Variants in MAP3K9 observed in about 807,000 individuals in gnomAD.
MAP3K9 encodes the protein mixed lineage kinase 1 (tyr and ser/thr specificity).
A neutral mutation model predicts 95.8 loss-of-function variants in MAP3K9; 46 were observed. The ratio of observed to expected loss-of-function variants is 0.48; its 90% CI spans 0.38 to 0.61. The LOEUF is 0.61. Among genes scored for constraint, MAP3K9 ranks in the 20% least tolerant of loss-of-function variants. The probability of loss-of-function intolerance (pLI) is 0.00; values close to 1 mark genes in which losing one functional copy is unlikely to be tolerated. For synonymous variants in MAP3K9, 533 were observed against 593.8 expected (o/e 0.90, Z 1.49); for missense variants, 1,296 against 1,474.3 (o/e 0.88, Z 1.98).
chr14:70,770,366 T>C (rs1198711483), intron 2 of MAP3K9, among the ~76,000 whole-genome samples: 1 of 151,916 alleles, frequency 6.6e-6, no homozygotes, highest in Non-Finnish European at 1.5e-5. Context: ...TTATTTTTAG[T>C]AGAGACGGGG....
intron 2 of MAP3K9, among the ~76,000 whole-genome samples, chr14:70,795,740 CTTAT>C (rs1323985765): frequency 6.6e-6 from 1 of 151,526 alleles, no homozygotes; most frequent in Non-Finnish European, 1.5e-5. Flanking sequence ...GATATCTTTA[CTTAT>C]TTAACTTTTT....
intron 2 of MAP3K9, among the ~76,000 whole-genome samples, chr14:70,764,839 AAACAAACAAAC>A (rs2054427373): frequency 1.3e-5 from 2 of 152,222 alleles, no homozygotes; most frequent in Admixed American, 1.3e-4. Flanking sequence ...TCTCTCTCAA[AAACAAACAAAC>A]AACAAAAAAA....
rs1203277018 is a variant in MAP3K9 at position 70,727,902 on chromosome 14, A to G, written c.*2478T>C. On this transcript the variant is annotated 3_prime_UTR_variant, in exon 12 of 12. Transcript: ENST00000554752. ...AGTTACACTACATCAGTTACACTAC[A>G]TCTAGAAAGATGGCTGCAACCTACC... is the stretch of plus-strand genomic sequence containing the variant. 1.3e-5 allele frequency: 2 copies of G among 152,236 alleles called. No homozygotes were observed. Among genetic ancestry groups the G allele is most frequent in the African/African-American group, 2.4e-5 (1 of 41,450 alleles). The allele number at this position is 152,236 out of a possible 1,614,324, so 9.4% of individuals were successfully genotyped here. A position where few individuals can be genotyped will look rare whatever the true frequency, so the allele number is the denominator to read the frequency against.
At chr14:70,774,894 G>C (rs2054575469) in intron 2 of MAP3K9, among the ~76,000 whole-genome samples, 1 of 136,646 alleles carries the variant, frequency 7.3e-6, no homozygotes, top group Non-Finnish European at 1.5e-5. Context: ...CTGGGGAAGA[G>C]AATCACTTGA....
intron 5 of MAP3K9, among the ~76,000 whole-genome samples, chr14:70,742,843 A>G (rs2054092714): frequency 6.6e-6 from 1 of 151,776 alleles, no homozygotes; most frequent in African/African-American, 2.4e-5. Context: ...CAAGCCCTAG[A>G]AATGGGGGCT....
intron 2 of MAP3K9, among the ~76,000 whole-genome samples, chr14:70,797,877 C>T (rs2054882432): frequency 6.6e-6 from 1 of 152,120 alleles, no homozygotes; most frequent in South Asian, 2.1e-4. Context: ...AAAGTGCTAC[C>T]CCACCACACA....
At position 70,808,964 on chromosome 14, in the gene MAP3K9, C is replaced by T. The variant is rs1450980919; in HGVS notation, c.208G>A (p.Glu70Lys). 5 of 1,572,754 alleles carry T rather than the reference C, an allele frequency of 3.2e-6. No homozygotes were observed. In the African/African-American group the frequency reaches 5.4e-5, roughly 17 times the overall value. ...VFEYEAAGEDELTLRLGDVVE... is the reference protein window; with the variant it reads ...VFEYEAAGEDKLTLRLGDVVE... Reference sequence around the variant, plus strand: ...ACGTCGCCCAGCCGCAGGGTCAGCTCGTCCTCGCCCGCCGCCTCGTACTCG... The same window carrying T: ...ACGTCGCCCAGCCGCAGGGTCAGCTTGTCCTCGCCCGCCGCCTCGTACTCG... The change falls in exon 1 of 12, where the codon GAG becomes AAG. Residue 70 changes from glutamate (E) to lysine (K), a missense_variant. Transcript: ENST00000554752.
At chr14:70,806,438 T>G (rs1344877438) in intron 1 of MAP3K9, among the ~76,000 whole-genome samples, 4 of 152,234 alleles carry the variant, frequency 2.6e-5, no homozygotes, top group African/African-American at 9.6e-5. Context: ...AAATTAATTC[T>G]AGTCAAGATC....
Position 70,724,360 on chromosome 14 carries a change from T to C in MAP3K9, c.*6020A>G, listed in dbSNP as rs909510312. 3.9e-5 allele frequency: 6 copies of C among 152,092 alleles called. No homozygotes were observed. Among genetic ancestry groups the C allele is most frequent in the African/African-American group, 1.4e-4 (6 of 41,422 alleles). 9.4% of individuals were successfully genotyped at this position (152,092 alleles called of 1,614,324 possible). On this transcript the variant is annotated 3_prime_UTR_variant, in exon 12 of 12. Transcript: ENST00000554752. ...GTAAGCCTACACACTCCTATTTAAA[T>C]GCGAGCACCGCCAGAGAGCCACTGC... is the stretch of plus-strand genomic sequence containing the variant.
intron 6 of MAP3K9, among the ~76,000 whole-genome samples, chr14:70,741,508 C>T (rs1293731937): frequency 6.6e-6 from 1 of 152,200 alleles, no homozygotes; most frequent in East Asian, 1.9e-4. Flanking sequence ...GGATATATTA[C>T]ACACCACAAA....
chr14:70,731,331 C>A (rs567665465), intron 11 of MAP3K9, among the ~76,000 whole-genome samples: 2 of 152,186 alleles, frequency 1.3e-5, no homozygotes, highest in Admixed American at 1.3e-4. Flanking sequence ...TGCCTGTAGT[C>A]CCAGCTACTT....
chr14:70,790,387 C>T (rs1407217949), intron 2 of MAP3K9, among the ~76,000 whole-genome samples: 1 of 152,210 alleles, frequency 6.6e-6, no homozygotes, highest in Non-Finnish European at 1.5e-5. Context: ...AAGTCCTGGG[C>T]AGGACCTCAG....
intron 2 of MAP3K9, among the ~76,000 whole-genome samples, chr14:70,781,642 G>T (rs1279107912): frequency 6.6e-6 from 1 of 152,162 alleles, no homozygotes; most frequent in Non-Finnish European, 1.5e-5. Flanking sequence ...CATTTACTTT[G>T]TGCCAGGCAT....
At chr14:70,763,508 G>A (rs565885161) in intron 2 of MAP3K9, among the ~76,000 whole-genome samples, 3 of 149,422 alleles carry the variant, frequency 2.0e-5, no homozygotes, top group Admixed American at 1.3e-4. Context: ...GCTAATAAGC[G>A]ACTATGTTAC....
intron 5 of MAP3K9, among the ~76,000 whole-genome samples, chr14:70,744,038 T>G (rs1326420220): frequency 1.3e-5 from 2 of 152,030 alleles, no homozygotes; most frequent in African/African-American, 4.8e-5. Context: ...AAAGGATGAG[T>G]TCGTGTCTTT....
chr14:70,792,972 T>C (rs557247413), intron 2 of MAP3K9, among the ~76,000 whole-genome samples: 32 of 152,206 alleles, frequency 2.1e-4, no homozygotes, highest in Non-Finnish European at 4.1e-4. Context: ...AAGGTGCAAG[T>C]GAACAGAATT....
At chr14:70,783,402 A>G (rs2054707444) in intron 2 of MAP3K9, 1 of 985,448 alleles carries the variant, frequency 1.0e-6, no homozygotes, top group Non-Finnish European at 1.2e-6. Flanking sequence ...CTGTCCTTAT[A>G]GAAAGAAGCT....
At position 70,740,042 on chromosome 14, in the gene MAP3K9, A is replaced by T; in HGVS notation, c.1690T>A (p.Leu564Met). Reference protein sequence around the residue: ...TIIPRLRAIQLTPGESSKTWG... With the variant: ...TIIPRLRAIQMTPGESSKTWG... ...CAGCTAATTTGGGAAACAGTCTCACACTGGATGGCTCGAAGGCGAGGAATG... is the reference window on the plus strand; with the variant it reads ...CAGCTAATTTGGGAAACAGTCTCACTCTGGATGGCTCGAAGGCGAGGAATG... Residue 564 changes from leucine to methionine, a missense_variant and splice_region_variant, in exon 7 of 12, where the codon TTG (leucine) becomes ATG (methionine). By Grantham distance (15) the Leu-to-Met change is conservative (BLOSUM62 2). Around this residue, in one of 5 missense-constraint regions of MAP3K9, gnomAD observed 377 missense variants for 417.1 expected, o/e 0.90. Transcript: ENST00000554752. 6.2e-7 allele frequency: 1 copy of T among 1,614,192 alleles called. No homozygotes were observed. Among genetic ancestry groups the T allele is most frequent in the East Asian group, 2.2e-5 (1 of 44,886 alleles).
At chr14:70,733,861 T>C in intron 10 of MAP3K9, 1 of 716,300 alleles carries the variant, frequency 1.4e-6, no homozygotes, top group Non-Finnish European at 2.6e-6. Context: ...TCTCTGTTTC[T>C]CCCTTCTGGA....
Sources: allele counts gnomAD v4.1 joint callset (sites outside exome capture counted in the v4.1 genomes callset), GRCh38; gene constraint gnomAD v4.1.1; regional missense constraint gnomAD v4.1.1; transcripts MANE v1.5; gene names NCBI Gene and HGNC (gene_info 2026-07-23, HGNC 2026-07-21).